LINGO2: variants seen among roughly 807,000 people sequenced by gnomAD.
The protein encoded by LINGO2 is leucine rich repeat and Ig domain containing 2, also known as leucine-rich repeat and immunoglobulin-like domain-containing nogo receptor-interacting protein 2.
LINGO2 carries 14 observed loss-of-function variants against 30.6 expected under a neutral mutation model. The observed-to-expected ratio is 0.46, with a 90% CI of 0.30 to 0.72. The LOEUF (loss-of-function observed/expected upper bound fraction) is 0.72, where lower values mean the gene tolerates loss of function less well. Among genes scored for constraint, LINGO2 ranks in the 30% least tolerant of loss-of-function variants. LINGO2 has a pLI of 0.07. For synonymous variants in LINGO2, 317 were observed against 288.5 expected (o/e 1.10, Z -1.00); for missense variants, 729 against 751.7 (o/e 0.97, Z 0.35).
chr9:28,910,318 G>C, the LINGO2 span, among the ~76,000 whole-genome samples: 1 of 151,614 alleles, frequency 6.6e-6, no homozygotes, highest in Non-Finnish European at 1.5e-5. Context: ...ATTTTTTTTT[G>C]AGTTATCAAT....
intron 3 of LINGO2, among the ~76,000 whole-genome samples, chr9:28,321,128 ACT>A (rs1429746671): frequency 1.3e-5 from 2 of 152,032 alleles, no homozygotes; most frequent in Non-Finnish European, 2.9e-5. Flanking sequence ...AAATTAAAAC[ACT>A]CACTTCATTT....
rs144674054 is a variant in LINGO2, at chr9:28,435,351, G to A, written c.-279+40589C>T. ...AGAATCATGTCAAATTTTATTTAGC[G>A]GTATCACTATATGTAAGAAGAAGGG... On this transcript the variant is annotated intron_variant, in intron 2 of 5. Transcript: ENST00000379992. 2.1e-4 allele frequency among the ~76,000 whole-genome samples: 32 copies of A among 152,084 alleles called. No homozygotes were observed. In the East Asian group the frequency reaches 5.0e-3, roughly 24 times the overall value.
chr9:28,995,312 A>G, the LINGO2 span, among the ~76,000 whole-genome samples: 45 of 152,212 alleles, frequency 3.0e-4, no homozygotes, highest in African/African-American at 1.0e-3. Flanking sequence ...AATCAAAACC[A>G]CAATGAGATA....
At chr9:28,633,930 A>G (rs970158877) in intron 1 of LINGO2, among the ~76,000 whole-genome samples, 1 of 152,188 alleles carries the variant, frequency 6.6e-6, no homozygotes, top group Non-Finnish European at 1.5e-5. Context: ...AAGAGAGGAC[A>G]TATTTTAAGC....
the LINGO2 span, among the ~76,000 whole-genome samples, chr9:28,854,078 C>G: frequency 2.0e-5 from 3 of 151,880 alleles, no homozygotes; most frequent in Admixed American, 6.6e-5. Flanking sequence ...TTGGGTGTCA[C>G]AACTTGAGGG....
At chr9:29,110,466 G>A in the LINGO2 span, among the ~76,000 whole-genome samples, 2 of 151,542 alleles carry the variant, frequency 1.3e-5, no homozygotes, top group African/African-American at 4.9e-5. Flanking sequence ...CCGAGTAGCT[G>A]GGACTACAGG....
chr9:28,083,142 A>C (rs1030991859), intron 4 of LINGO2, among the ~76,000 whole-genome samples: 12 of 152,162 alleles, frequency 7.9e-5, no homozygotes, highest in African/African-American at 2.9e-4. Flanking sequence ...GCATTGCTAA[A>C]CATTACCTCC....
intron 3 of LINGO2, among the ~76,000 whole-genome samples, chr9:28,328,907 C>T (rs938223274): frequency 3.3e-5 from 5 of 152,098 alleles, no homozygotes; most frequent in African/African-American, 1.2e-4. Flanking sequence ...TAGTGAGAGA[C>T]AGTGAGTCCT....
chr9:28,219,064 G>T (rs1462249586), intron 4 of LINGO2, among the ~76,000 whole-genome samples: 6 of 152,138 alleles, frequency 3.9e-5, no homozygotes, highest in African/African-American at 1.4e-4. Flanking sequence ...CCAGTTTTCA[G>T]GCAGCATTTG....
chr9:28,891,634 T>A, the LINGO2 span, among the ~76,000 whole-genome samples: 4 of 151,910 alleles, frequency 2.6e-5, no homozygotes, highest in Non-Finnish European at 4.4e-5. Flanking sequence ...CAAAAAGTTA[T>A]TTAAGATGAT....
chr9:29,165,299 T>C, the LINGO2 span, among the ~76,000 whole-genome samples: 5 of 152,256 alleles, frequency 3.3e-5, no homozygotes, highest in South Asian at 1.0e-3. Context: ...ATGTCCCAGA[T>C]ACTGTTCTAA....
the LINGO2 span, among the ~76,000 whole-genome samples, chr9:29,088,144 A>T: frequency 6.6e-6 from 1 of 152,076 alleles, no homozygotes; most frequent in Non-Finnish European, 1.5e-5. Context: ...TCTCATAGTA[A>T]AGTTGAATAA....
At chr9:28,428,644 A>G (rs1359382655) in intron 2 of LINGO2, among the ~76,000 whole-genome samples, 4 of 152,098 alleles carry the variant, frequency 2.6e-5, no homozygotes, top group South Asian at 2.1e-4. Flanking sequence ...AGTTGCTGCT[A>G]TTATAAAGCT....
intron 4 of LINGO2, among the ~76,000 whole-genome samples, chr9:28,209,401 C>T (rs1345656058): frequency 4.0e-5 from 6 of 151,804 alleles, no homozygotes; most frequent in African/African-American, 1.5e-4. Flanking sequence ...TTTAATTTCC[C>T]TTGGGAATTT....
chr9:28,158,722 C>T (rs1828205214), intron 4 of LINGO2, among the ~76,000 whole-genome samples: 1 of 152,152 alleles, frequency 6.6e-6, no homozygotes, highest in African/African-American at 2.4e-5. Context: ...GCTATTTCCA[C>T]TTAGTGCTCC....
intron 4 of LINGO2, among the ~76,000 whole-genome samples, chr9:28,150,159 G>A (rs184219130): frequency 4.4e-5 from 6 of 136,834 alleles, no homozygotes; most frequent in African/African-American, 1.4e-4. Context: ...CCCCCTCACC[G>A]TTTGTAAGGG....
chr9:28,787,155 G>A, the LINGO2 span, among the ~76,000 whole-genome samples: 3 of 152,256 alleles, frequency 2.0e-5, no homozygotes, highest in South Asian at 4.1e-4. Context: ...GTTGACACTC[G>A]TTTGTGCAAG....
rs1823514109 is a variant in LINGO2, at chr9:27,949,392, GTC to G, written c.1278_1279del (p.Gln426HisfsTer39). The G allele has an allele frequency of 6.2e-7, 1 of 1,613,990 alleles. No individual in the cohort carries two copies. ...ATCTGCACTGCATTCTAGCTGGACT[GTC>G]TGCCCTTCATCTACTAGCAGATGCT... On this transcript the variant is annotated frameshift_variant, in exon 6 of 6. Transcript: ENST00000379992. LOFTEE classifies it high-confidence loss of function.
At chr9:28,900,302 CA>C in the LINGO2 span, among the ~76,000 whole-genome samples, 5 of 152,156 alleles carry the variant, frequency 3.3e-5, no homozygotes, top group African/African-American at 1.2e-4. Context: ...CCCTAAGGAC[CA>C]AAACTCCAGG....
Sources: allele counts gnomAD v4.1 joint callset (sites outside exome capture counted in the v4.1 genomes callset), GRCh38; gene constraint gnomAD v4.1.1; transcripts MANE v1.5; gene names NCBI Gene and HGNC (gene_info 2026-07-23, HGNC 2026-07-21).